Variants in MAP4K5 observed in about 807,000 individuals in gnomAD.
MAP4K5 encodes the protein MAPK/ERK kinase kinase kinase 5.
MAP4K5 carries 82 observed loss-of-function variants against 135.6 expected under a neutral mutation model. That is an observed-to-expected ratio of 0.60 (90% CI 0.51 to 0.73). MAP4K5 has a LOEUF of 0.73. MAP4K5 is among the 30% of genes least tolerant of loss of function. MAP4K5 has a pLI of 0.00. For missense variants in MAP4K5, 907 were observed against 1,010.9 expected, an observed-to-expected ratio of 0.90 and a Z score of 1.39; for synonymous variants, 347 against 335.0, an observed-to-expected ratio of 1.04 and a Z score of -0.39.
At chr14:50,509,692 T>C (rs1378694096) in intron 2 of MAP4K5, among the ~76,000 whole-genome samples, 1 of 151,864 alleles carries the variant, frequency 6.6e-6, no homozygotes, top group African/African-American at 2.4e-5. Context: ...AAAAACAGAT[T>C]CAATGAACTC....
At chr14:50,479,017 T>G (rs10146600) in intron 6 of MAP4K5, among the ~76,000 whole-genome samples, 142,492 of 151,556 alleles carry the variant, frequency 0.94, 67,559 homozygotes, top group South Asian at 1. Flanking sequence ...TTTTTTTTTT[T>G]TTGTTGTTGT....
At chr14:50,474,833 C>T (rs1197993557) in intron 9 of MAP4K5, among the ~76,000 whole-genome samples, 1 of 152,134 alleles carries the variant, frequency 6.6e-6, no homozygotes, top group Non-Finnish European at 1.5e-5. Flanking sequence ...AAATTTCATA[C>T]CTAAGAGCCC....
chr14:50,487,256 T>C (rs2037384146), intron 3 of MAP4K5, among the ~76,000 whole-genome samples: 1 of 152,138 alleles, frequency 6.6e-6, no homozygotes, highest in South Asian at 2.1e-4. Flanking sequence ...CGCAGTGAGC[T>C]GAGAGCATGC....
At chr14:50,432,384 G>A (rs2035989545) in intron 28 of MAP4K5, among the ~76,000 whole-genome samples, 1 of 152,066 alleles carries the variant, frequency 6.6e-6, no homozygotes, top group Admixed American at 6.5e-5. Context: ...ATTACCCTCA[G>A]GCAGTAATTT....
intron 2 of MAP4K5, 142 bp downstream of exon 2, chr14:50,531,800 G>A (rs192825236): frequency 1.4e-5 from 10 of 701,396 alleles, no homozygotes; most frequent in East Asian, 5.4e-5. Flanking sequence ...GCTCAGAACC[G>A]AGTAAAAGGG....
At position 50,435,685 on chromosome 14, in the gene MAP4K5, G is replaced by A. The variant is rs368659036; in HGVS notation, c.1883-620C>T. Among the ~76,000 whole-genome samples the A allele has an allele frequency of 7.2e-5, 11 of 152,110 alleles. No homozygotes were observed. In the East Asian group the frequency reaches 7.7e-4, roughly 11 times the overall value. The stretch of plus-strand genomic sequence containing the variant: ...GAATGAGTTCTGACAAGGTCTAGGA[G>A]GCAACTAAAATGCACCTCGTTTTGG... On this transcript the variant is annotated intron_variant, in intron 26 of 32. Transcript: ENST00000682126.
intron 3 of MAP4K5, among the ~76,000 whole-genome samples, chr14:50,498,409 C>T (rs1003102657): frequency 1.3e-5 from 2 of 151,966 alleles, no homozygotes; most frequent in Non-Finnish European, 2.9e-5. Flanking sequence ...ATCATTTTGC[C>T]TATATATACA....
chr14:50,529,363 G>C (rs1471862671), intron 2 of MAP4K5, among the ~76,000 whole-genome samples: 1 of 152,124 alleles, frequency 6.6e-6, no homozygotes, highest in Non-Finnish European at 1.5e-5. Flanking sequence ...CTCTAGCCTG[G>C]GGGACAGAGC....
At position 50,445,005 on chromosome 14, in the gene MAP4K5, T is replaced by C. The variant is rs890553713; in HGVS notation, c.1339+36A>G. 6.3e-6 allele frequency: 10 copies of C among 1,597,694 alleles called. No homozygotes were observed. In the Admixed American group the frequency reaches 8.7e-5, roughly 14 times the overall value. The stretch of plus-strand genomic sequence containing the variant: ...TCACCCAGATAACAATATCTAGCCA[T>C]ATGTACCCCATGGCTGCTAATAATG... On this transcript the variant is annotated intron_variant, in intron 18 of 32. Coordinates refer to ENST00000682126, the MANE Select transcript of MAP4K5 (RefSeq NM_006575.6).
At chr14:50,560,278 C>A in intron 1 of MAP4K5, 1 of 1,614,000 alleles carries the variant, frequency 6.2e-7, no homozygotes, top group Non-Finnish European at 8.5e-7. Context: ...GGCCAAGAAC[C>A]GCAGGGACAG....
chr14:50,482,170 T>C (rs1477185487), intron 6 of MAP4K5, among the ~76,000 whole-genome samples, 191 bp downstream of exon 6: 7 of 152,254 alleles, frequency 4.6e-5, no homozygotes, highest in Non-Finnish European at 1.0e-4. Context: ...ATGTGATTCA[T>C]TCATGAAAGA....
At chr14:50,515,851 G>A (rs905517174) in intron 2 of MAP4K5, among the ~76,000 whole-genome samples, 1 of 151,996 alleles carries the variant, frequency 6.6e-6, no homozygotes, top group Admixed American at 6.6e-5. Flanking sequence ...TCTATTTCTA[G>A]GGCACATCTC....
intron 32 of MAP4K5, 146 bp from the exon 33 acceptor site, chr14:50,420,252 C>T (rs369771123): frequency 3.1e-6 from 2 of 638,992 alleles, no homozygotes; most frequent in African/African-American, 1.8e-5. Flanking sequence ...TTCAGCTTTA[C>T]ATTTTACAGC....
At position 50,507,306 on chromosome 14, in the gene MAP4K5, C is replaced by G. The variant is rs113769125; in HGVS notation, c.109-2449G>C. Among the ~76,000 whole-genome samples, 762 of 152,296 alleles carry G rather than the reference C, an allele frequency of 5.0e-3. 5 individuals carry two copies. Among genetic ancestry groups the G allele is most frequent in the African/African-American group, 0.018 (728 of 41,556 alleles). ...GCTGATCTTTTCAAAAAACCAGCTC[C>G]TGGATTCACTGATTTTTTGAAGGGT... is the stretch of plus-strand genomic sequence containing the variant. On this transcript the variant is annotated intron_variant, in intron 2 of 32. Coordinates refer to ENST00000682126, the MANE Select transcript of MAP4K5 (RefSeq NM_006575.6).
intron 2 of MAP4K5, among the ~76,000 whole-genome samples, chr14:50,520,086 T>C (rs919587422): frequency 7.2e-5 from 11 of 152,096 alleles, no homozygotes; most frequent in African/African-American, 1.2e-4. Context: ...AAGCTGGGGC[T>C]GGGCGTGGTG....
intron 2 of MAP4K5, among the ~76,000 whole-genome samples, chr14:50,515,539 C>T (rs1184794565): frequency 6.6e-6 from 1 of 152,106 alleles, no homozygotes; most frequent in Non-Finnish European, 1.5e-5. Flanking sequence ...TGGCAAAATC[C>T]TAATCTTGAT....
chr14:50,493,855 G>C (rs1028003982), intron 3 of MAP4K5, among the ~76,000 whole-genome samples: 3 of 151,898 alleles, frequency 2.0e-5, no homozygotes, highest in Non-Finnish European at 4.4e-5. Context: ...GGGCGTGGTG[G>C]TGGGCGCCTG....
intron 1 of MAP4K5, among the ~76,000 whole-genome samples, chr14:50,552,276 T>A (rs907539466): frequency 2.0e-5 from 3 of 149,670 alleles, no homozygotes; most frequent in African/African-American, 4.9e-5. Context: ...CAAAAAAAAA[T>A]TAATTAAATA....
chr14:50,492,896 C>T (rs183553079), intron 3 of MAP4K5, among the ~76,000 whole-genome samples: 26 of 151,764 alleles, frequency 1.7e-4, no homozygotes, highest in Admixed American at 1.5e-3. Flanking sequence ...AAGCCACGTA[C>T]GGTGGCTCAT....
Sources: allele counts gnomAD v4.1 joint callset (sites outside exome capture counted in the v4.1 genomes callset), GRCh38; gene constraint gnomAD v4.1.1; transcripts MANE v1.5; gene names NCBI Gene and HGNC (gene_info 2026-07-23, HGNC 2026-07-21).